APOL4: variants seen among roughly 807,000 people sequenced by gnomAD.
APOL4 encodes apolipoprotein L, 4.
A neutral mutation model predicts 12.1 loss-of-function variants in APOL4; 14 were observed. That is an observed-to-expected ratio of 1.16 (90% confidence interval 0.76 to 1.81). APOL4 has a LOEUF of 1.81. APOL4 is among the 40% of genes most tolerant of loss of function. The probability of loss-of-function intolerance (pLI) is 0.00; values close to 1 mark genes in which losing one functional copy is unlikely to be tolerated. For missense variants in APOL4, 432 were observed against 423.1 expected, an observed-to-expected ratio of 1.02 and a Z score of -0.18; for synonymous variants, 171 against 160.6, an observed-to-expected ratio of 1.06 and a Z score of -0.49.
chr22:36,195,866 C>T (rs1023861950), intron 2 of APOL4, among the ~76,000 whole-genome samples: 34 of 151,360 alleles, frequency 2.2e-4, no homozygotes, highest in Non-Finnish European at 3.5e-4. Context: ...CCTCTGTAAG[C>T]CAGGAGCAGA....
intron 2 of APOL4, among the ~76,000 whole-genome samples, chr22:36,196,604 T>A (rs536740974): frequency 6.6e-6 from 1 of 152,212 alleles, no homozygotes; most frequent in East Asian, 1.9e-4. Context: ...TTGCAGGGAT[T>A]TGGGAATTAT....
At chr22:36,203,202 G>T (rs1350815716), upstream of APOL4, among the ~76,000 whole-genome samples, 1 of 152,194 alleles carries the variant, frequency 6.6e-6, no homozygotes, top group East Asian at 1.9e-4. Context: ...TTGCTCCTAG[G>T]CGGATCGGCA....
Position 36,191,136 on chromosome 22 carries a change from T to C in APOL4, c.986A>G (p.Gln329Arg). ...ESAESLRQWAQELEENLNELT... is the reference protein window; with the variant it reads ...ESAESLRQWARELEENLNELT... ...CTCATTGAGATTCTCCTCCAGCTCC[T>C]GAGCCCACTGCCTCAGCGACTCAGC... is the stretch of plus-strand genomic sequence containing the variant. Residue 329 changes from glutamine (Q) to arginine (R), a missense_variant, in exon 4 of 4, where the codon CAG becomes CGG. Physicochemically the swap from Gln to Arg is conservative, Grantham distance 43 (BLOSUM62 1). Coordinates refer to ENST00000683024, the MANE Select transcript of APOL4 (RefSeq NM_001386885.1). The C allele has an allele frequency of 1.2e-6, 2 of 1,611,836 alleles. No homozygotes were observed. Among genetic ancestry groups the C allele is most frequent in the Non-Finnish European group, 1.7e-6 (2 of 1,178,886 alleles).
rs562761765 is a variant in APOL4, at chr22:36,199,197, C to A, written c.82+133G>T. On this transcript the variant is annotated intron_variant, in intron 2 of 3. Transcript: ENST00000683024. Reference sequence around the variant, plus strand: ...CTCTTGGGGCTTGGGGCAGCCTCATCAGCCACCTCCGTCTGGGTTCCGTTG... The same window carrying A: ...CTCTTGGGGCTTGGGGCAGCCTCATAAGCCACCTCCGTCTGGGTTCCGTTG... 5.6e-5 allele frequency: 71 copies of A among 1,271,800 alleles called. No individual in the cohort carries two copies. In the African/African-American group the frequency reaches 9.7e-4, roughly 17 times the overall value. 78.8% of individuals were successfully genotyped at this position (1,271,800 alleles called of 1,614,324 possible).
intron 2 of APOL4, among the ~76,000 whole-genome samples, chr22:36,195,765 C>CTCTT (rs1556616032): frequency 8.7e-6 from 1 of 114,772 alleles, no homozygotes; most frequent in Non-Finnish European, 1.9e-5. Context: ...CTCTCTCTCT[C>CTCTT]TCTCTCTCTC....
chr22:36,197,571 G>A, intron 2 of APOL4: 1 of 1,428,704 alleles, frequency 7.0e-7, no homozygotes, highest in Non-Finnish European at 9.2e-7. Flanking sequence ...CAGACCTTCA[G>A]AACAGCTGTA....
At position 36,191,439 on chromosome 22, in the gene APOL4, G is replaced by A; in HGVS notation, c.683C>T (p.Ser228Phe). 1 of 1,614,048 alleles carries A rather than the reference G, an allele frequency of 6.2e-7. No individual in the cohort carries two copies. Among genetic ancestry groups the A allele is most frequent in the Non-Finnish European group, 8.5e-7 (1 of 1,179,896 alleles). Residue 228 changes from serine to phenylalanine, a missense_variant, in exon 4 of 4, where the codon TCT becomes TTT. Transcript: ENST00000683024. The stretch of plus-strand genomic sequence containing the variant: ...GGCTTCGTCAAAATCAAGTGCAAAA[G>A]AAAGCACATTGGGTGTGATGTCACG... ...ILRDITPNVLSFALDFDEATK... is the reference protein window; with the variant it reads ...ILRDITPNVLFFALDFDEATK...
chr22:36,198,707 C>T lies in APOL4; in HGVS notation c.82+623G>A, dbSNP rs2014483363. On this transcript the variant is annotated intron_variant, in intron 2 of 3. Coordinates refer to ENST00000683024, the MANE Select transcript of APOL4 (RefSeq NM_001386885.1). ...AGGTACCCATGTAATGTTTGATCCT[C>T]ATGACAACATGGGCAAATATCCTAG... 2.0e-5 allele frequency among the ~76,000 whole-genome samples: 3 copies of T among 152,308 alleles called. No homozygotes were observed. In the South Asian group the frequency reaches 6.2e-4, roughly 32 times the overall value.
At chr22:36,201,828 A>G (rs1021391271), upstream of APOL4, 19 of 1,572,966 alleles carry the variant, frequency 1.2e-5, no homozygotes, top group Non-Finnish European at 1.4e-5. Context: ...CAACTAGGAC[A>G]CAGTGCGTCC....
intron 2 of APOL4, 62 bp from the exon 3 acceptor site, chr22:36,195,499 G>GTA: frequency 6.4e-7 from 1 of 1,567,494 alleles, no homozygotes; most frequent in South Asian, 1.2e-5. Flanking sequence ...ATGGCATTGA[G>GTA]TATAAGGTGG....
At chr22:36,201,499 T>G in intron 1 of APOL4, 1 of 1,014,600 alleles carries the variant, frequency 9.9e-7, no homozygotes, top group Non-Finnish European at 1.4e-6. Flanking sequence ...CAGGGGAGTA[T>G]GCAGAGGGGC....
chr22:36,191,810 C>G lies in APOL4; in HGVS notation c.312G>C (p.Trp104Cys). The G allele has an allele frequency of 6.2e-7, 1 of 1,613,956 alleles. No individual in the cohort carries two copies. The highest frequency in any genetic ancestry group is 1.3e-5 in the African/African-American group (1 of 75,054). The change falls in exon 4 of 4, where the codon TGG (tryptophan) becomes TGC (cysteine). Residue 104 changes from tryptophan (W) to cysteine (C), a missense_variant. Trp to Cys is a radical substitution (Grantham distance 215, BLOSUM62 -2). Coordinates refer to ENST00000683024, the MANE Select transcript of APOL4 (RefSeq NM_001386885.1). ...MQQKEQQFRE[W>C]FLKEFPQIRW... ...TGATTTGAGGAAACTCTTTCAAAAA[C>G]CACTCCCTAAACTGCTGTTCTTTTT...
chr22:36,195,743 A>ATCTCTC (rs143180155), intron 2 of APOL4, among the ~76,000 whole-genome samples: 2 of 93,376 alleles, frequency 2.1e-5, no homozygotes, highest in Non-Finnish European at 4.2e-5. Flanking sequence ...GAGACAGATG[A>ATCTCTC]TCTCTCTCTC....
At chr22:36,203,169 C>A (rs1249953874), upstream of APOL4, among the ~76,000 whole-genome samples, 1 of 152,182 alleles carries the variant, frequency 6.6e-6, no homozygotes, top group Non-Finnish European at 1.5e-5. Context: ...GCCAGCAGCC[C>A]CCAGTGCAAC....
chr22:36,203,933 T>G (rs554240161), upstream of APOL4, among the ~76,000 whole-genome samples: 7 of 152,318 alleles, frequency 4.6e-5, no homozygotes, highest in South Asian at 1.4e-3. Flanking sequence ...CAGTTTCCCA[T>G]TAGGGACACA....
At chr22:36,202,821 C>T (rs184886899), upstream of APOL4, among the ~76,000 whole-genome samples, 1 of 152,288 alleles carries the variant, frequency 6.6e-6, no homozygotes, top group East Asian at 1.9e-4. Flanking sequence ...TTTGGCAGCT[C>T]TATCAGGTTT....
chr22:36,203,613 A>T (rs4821465), upstream of APOL4, among the ~76,000 whole-genome samples: 1 of 152,078 alleles, frequency 6.6e-6, no homozygotes, highest in Non-Finnish European at 1.5e-5. Context: ...CCATGGAAAC[A>T]GGACGTGAAG....
At position 36,195,426 on chromosome 22, in the gene APOL4, AGC is replaced by A; in HGVS notation, c.92_93del (p.Arg31LeufsTer3). 6.2e-7 allele frequency: 1 copy of A among 1,612,758 alleles called. No individual in the cohort carries two copies. Among genetic ancestry groups the A allele is most frequent in the Non-Finnish European group, 8.5e-7 (1 of 1,179,436 alleles). Reference protein sequence around the residue: ...TVAGQFQEKKRFTEEVIEYFQ... With the variant: ...TVAGQFQEKKXFTEEVIEYFQ... ...AAGTATTCAATGACTTCTTCAGTGA[AGC>A]GTTTCTTTTCTAGTTGGAAACAAAA... On this transcript the variant is annotated frameshift_variant, in exon 3 of 4. Coordinates refer to ENST00000683024, the MANE Select transcript of APOL4 (RefSeq NM_001386885.1). LOFTEE classifies it high-confidence loss of function.
upstream of APOL4, among the ~76,000 whole-genome samples, chr22:36,204,181 C>T (rs571751300): frequency 7.9e-5 from 12 of 152,304 alleles, no homozygotes; most frequent in African/African-American, 2.9e-4. Context: ...TCTCTTGCCT[C>T]ATCAGGCCTC....
Sources: allele counts gnomAD v4.1 joint callset (sites outside exome capture counted in the v4.1 genomes callset), GRCh38; gene constraint gnomAD v4.1.1; transcripts MANE v1.5; gene names NCBI Gene and HGNC (gene_info 2026-07-23, HGNC 2026-07-21).